GMDS: variants seen among roughly 807,000 people sequenced by gnomAD.
The protein encoded by GMDS is GDP-mannose 4,6 dehydratase.
Under a neutral mutation model 49.9 loss-of-function variants are expected in GMDS, and 20 were observed. That is an observed-to-expected ratio of 0.40 (90% CI 0.28 to 0.58). GMDS has a LOEUF of 0.58. GMDS is among the 20% of genes least tolerant of loss of function. The probability of loss-of-function intolerance (pLI) is 0.42; values close to 1 mark genes in which losing one functional copy is unlikely to be tolerated. For synonymous variants in GMDS, 177 were observed against 178.6 expected, an observed-to-expected ratio of 0.99 and a Z score of 0.07; for missense variants, 362 against 481.4, an observed-to-expected ratio of 0.75 and a Z score of 2.32.
At chr6:2,095,970 T>C (rs188162268) in intron 4 of GMDS, among the ~76,000 whole-genome samples, 8 of 152,272 alleles carry the variant, frequency 5.3e-5, no homozygotes, top group East Asian at 1.9e-4. Flanking sequence ...AGAGCAAGCA[T>C]AGAAGTGACA....
At chr6:1,663,162 T>C (rs939991159) in intron 9 of GMDS, among the ~76,000 whole-genome samples, 4 of 152,226 alleles carry the variant, frequency 2.6e-5, no homozygotes, top group African/African-American at 9.6e-5. Flanking sequence ...CATAGTGTCT[T>C]ATGGCTTTTC....
intron 4 of GMDS, among the ~76,000 whole-genome samples, chr6:2,078,850 T>C (rs776023824): frequency 6.6e-6 from 1 of 151,998 alleles, no homozygotes; most frequent in African/African-American, 2.4e-5. Context: ...TGTCTCATGC[T>C]GAGAATGGGG....
intron 9 of GMDS, among the ~76,000 whole-genome samples, chr6:1,650,284 C>T (rs528505382): frequency 1.3e-5 from 2 of 152,104 alleles, no homozygotes; most frequent in South Asian, 4.1e-4. Flanking sequence ...TGACAGCTCT[C>T]TTTTGATCCA....
intron 1 of GMDS, among the ~76,000 whole-genome samples, chr6:2,126,614 T>C (rs1253137982): frequency 6.6e-6 from 1 of 152,158 alleles, no homozygotes; most frequent in Non-Finnish European, 1.5e-5. Flanking sequence ...TGTGGTTCAT[T>C]AAAACCTAGA....
intron 4 of GMDS, among the ~76,000 whole-genome samples, chr6:2,089,583 A>C (rs1773202757): frequency 6.6e-6 from 1 of 152,228 alleles, no homozygotes; most frequent in Non-Finnish European, 1.5e-5. Flanking sequence ...GAGAGGTCTC[A>C]TCAGACTTTT....
At chr6:2,214,026 T>G in intron 1 of GMDS, among the ~76,000 whole-genome samples, 1 of 152,192 alleles carries the variant, frequency 6.6e-6, no homozygotes, top group Non-Finnish European at 1.5e-5. Flanking sequence ...TGAATCCTCT[T>G]GTCATACCAG....
At chr6:2,050,138 TAAA>T (rs1770291945) in intron 4 of GMDS, among the ~76,000 whole-genome samples, 1 of 151,700 alleles carries the variant, frequency 6.6e-6, no homozygotes, top group Non-Finnish European at 1.5e-5. Context: ...GCAAGGCTAA[TAAA>T]GAAGAAAAGA....
chr6:1,726,125 T>C (rs942324621), intron 9 of GMDS, among the ~76,000 whole-genome samples: 2 of 152,242 alleles, frequency 1.3e-5, no homozygotes, highest in Non-Finnish European at 2.9e-5. Context: ...GCCATTAGAA[T>C]AGGAGACCAA....
At chr6:2,192,092 G>C (rs1412463493) in intron 1 of GMDS, among the ~76,000 whole-genome samples, 3 of 152,082 alleles carry the variant, frequency 2.0e-5, no homozygotes, top group Admixed American at 6.5e-5. Flanking sequence ...AAGAGCTGCA[G>C]AGACAATGGG....
At chr6:1,965,135 T>C (rs866603070) in intron 4 of GMDS, among the ~76,000 whole-genome samples, 28 of 152,260 alleles carry the variant, frequency 1.8e-4, no homozygotes, top group African/African-American at 5.5e-4. Flanking sequence ...AATAAACATA[T>C]GTGTGCATGT....
chr6:2,183,186 C>T (rs1778632806), intron 1 of GMDS, among the ~76,000 whole-genome samples: 1 of 152,146 alleles, frequency 6.6e-6, no homozygotes, highest in African/African-American at 2.4e-5. Flanking sequence ...TTAAGAAATG[C>T]ATTTTTCTTA....
chr6:1,897,075 G>A (rs1217017789), intron 7 of GMDS, among the ~76,000 whole-genome samples: 2 of 152,174 alleles, frequency 1.3e-5, no homozygotes, highest in African/African-American at 4.8e-5. Context: ...TCTGGACAAG[G>A]GAGGCGAAGG....
At chr6:2,052,003 G>T (rs1770428514) in intron 4 of GMDS, among the ~76,000 whole-genome samples, 1 of 151,628 alleles carries the variant, frequency 6.6e-6, no homozygotes, top group African/African-American at 2.4e-5. Flanking sequence ...TGTAATCCCA[G>T]CTACATGGGA....
At chr6:1,692,880 C>T (rs1765222488) in intron 9 of GMDS, among the ~76,000 whole-genome samples, 1 of 152,136 alleles carries the variant, frequency 6.6e-6, no homozygotes, top group African/African-American at 2.4e-5. Context: ...TTCTTTTTCT[C>T]TTGTTTAGGG....
intron 6 of GMDS, chr6:1,949,076 A>G (rs557579282): frequency 4.2e-6 from 4 of 949,632 alleles, no homozygotes; most frequent in Non-Finnish European, 5.0e-6. Flanking sequence ...GGGAAGGAGT[A>G]AAAAAACTAA....
intron 7 of GMDS, among the ~76,000 whole-genome samples, chr6:1,834,177 T>C (rs1756816564): frequency 6.6e-6 from 1 of 152,262 alleles, no homozygotes; most frequent in African/African-American, 2.4e-5. Context: ...TCATCAATTA[T>C]CAAGAAAATA....
chr6:1,872,250 T>A (rs527647341), intron 7 of GMDS, among the ~76,000 whole-genome samples: 14 of 152,336 alleles, frequency 9.2e-5, no homozygotes, highest in African/African-American at 3.4e-4. Flanking sequence ...GATTGCTTGT[T>A]TTCACAAAGG....
chr6:1,625,535 T>TC (rs1287824412), intron 9 of GMDS: 2 of 152,224 alleles, frequency 1.3e-5, no homozygotes, highest in Non-Finnish European at 2.9e-5. Context: ...TTAAGAGGCT[T>TC]CCCTGGAAGG....
intron 7 of GMDS, among the ~76,000 whole-genome samples, chr6:1,812,358 A>G (rs1770468016): frequency 6.6e-6 from 1 of 152,140 alleles, no homozygotes; most frequent in South Asian, 2.1e-4. Flanking sequence ...ATAAACTAGG[A>G]CCAGAGGATT....
Sources: gnomAD v4.1 joint callset for allele counts (sites outside exome capture counted in the v4.1 genomes callset) on GRCh38, gnomAD v4.1.1 for gene constraint, MANE v1.5 for transcripts, NCBI Gene and HGNC (gene_info 2026-07-23, HGNC 2026-07-21) for gene names.